MTMR8: variants seen among roughly 807,000 people sequenced by gnomAD.
MTMR8 encodes myotubularin related protein 8.
A neutral mutation model predicts 39.3 loss-of-function variants in MTMR8; 65 were observed. The observed-to-expected ratio is 1.65, with a 90% CI of 1.35 to 2.03. The LOEUF (loss-of-function observed/expected upper bound fraction) is 2.03. MTMR8 is among the 30% of genes most tolerant of loss of function. The pLI is 0.00. For missense variants in MTMR8, 777 were observed against 538.9 expected, an observed-to-expected ratio of 1.44 and a Z score of -4.37; for synonymous variants, 245 against 185.2, an observed-to-expected ratio of 1.32 and a Z score of -2.62.
At position 64,268,752 on chromosome X, in the gene MTMR8, T is replaced by C. The variant is rs752590370; in HGVS notation, c.1900A>G (p.Met634Val). The change falls in exon 14 of 14, where the codon ATG (methionine) becomes GTG (valine). Residue 634 changes from methionine to valine, a missense_variant. Transcript: ENST00000374852. ...GTGCACATGTCTCCAGAGATGCCCA[T>C]GGCCTCAGAGATGCCCACATCCCCA... Reference protein sequence around the residue: ...ISGDVGISEAMGISGDMCTFE... With the variant: ...ISGDVGISEAVGISGDMCTFE... 8.3e-7 allele frequency: 1 copy of C among 1,209,877 alleles called. No homozygotes were observed. Among genetic ancestry groups the C allele is most frequent in the African/African-American group, 1.8e-5 (1 of 57,069 alleles).
intron 1 of MTMR8, among the ~76,000 whole-genome samples, chrX:64,375,548 C>A (rs1393217927): frequency 4.5e-5 from 5 of 111,052 alleles, no homozygotes; most frequent in African/African-American, 1.6e-4. Flanking sequence ...TAACCCCTGC[C>A]AATGCAATAG....
intron 1 of MTMR8, among the ~76,000 whole-genome samples, chrX:64,377,891 T>A (rs1411476403): frequency 8.9e-6 from 1 of 112,045 alleles, no homozygotes; most frequent in Non-Finnish European, 1.9e-5. Context: ...GGTAATTGGA[T>A]CATGGGGCAG....
intron 1 of MTMR8, among the ~76,000 whole-genome samples, chrX:64,379,572 C>T (rs1924356600): frequency 9.0e-6 from 1 of 111,478 alleles, no homozygotes; most frequent in Middle Eastern, 4.2e-3. Flanking sequence ...GGCTTATAGA[C>T]ATCTTCTCCC....
chrX:64,319,960 T>G (rs1922588009), intron 12 of MTMR8, among the ~76,000 whole-genome samples: 1 of 111,624 alleles, frequency 9.0e-6, no homozygotes, highest in Non-Finnish European at 1.9e-5. Flanking sequence ...GGTAGCTTGA[T>G]GGGGATGGCA....
chrX:64,354,579 T>C (rs1415979249), intron 4 of MTMR8, among the ~76,000 whole-genome samples, 198 bp downstream of exon 4: 3 of 112,146 alleles, frequency 2.7e-5, no homozygotes, highest in Non-Finnish European at 5.6e-5. Context: ...TAACACCCTA[T>C]GCTTTAGGCC....
intron 12 of MTMR8, among the ~76,000 whole-genome samples, chrX:64,326,369 T>C (rs142162989): frequency 9.6e-4 from 107 of 111,892 alleles, no homozygotes; most frequent in African/African-American, 3.3e-3. Flanking sequence ...AGTTGCAAGA[T>C]ACAAAAATCA....
intron 2 of MTMR8, among the ~76,000 whole-genome samples, chrX:64,357,661 C>T (rs1923661369): frequency 9.0e-6 from 1 of 111,524 alleles, no homozygotes; most frequent in Non-Finnish European, 1.9e-5. Flanking sequence ...CTCCTGGCTT[C>T]AAGCGATCCT....
chrX:64,366,709 G>A (rs1923971320), intron 1 of MTMR8, among the ~76,000 whole-genome samples: 1 of 111,361 alleles, frequency 9.0e-6, no homozygotes, highest in East Asian at 2.8e-4. Context: ...AGAGAAGCAA[G>A]AGCAAACACA....
chrX:64,338,943 A>G (rs1923146298), intron 8 of MTMR8, among the ~76,000 whole-genome samples: 4 of 111,721 alleles, frequency 3.6e-5, no homozygotes, highest in African/African-American at 1.3e-4. Flanking sequence ...TAGACTAAAT[A>G]ATGAACACAA....
chrX:64,353,539 T>A (rs1251457770), intron 4 of MTMR8, among the ~76,000 whole-genome samples: 1 of 111,796 alleles, frequency 8.9e-6, no homozygotes, highest in Non-Finnish European at 1.9e-5. Context: ...AAAACCACAA[T>A]GAGATATCAT....
chrX:64,290,364 T>C (rs1921353206), intron 12 of MTMR8, among the ~76,000 whole-genome samples: 2 of 111,026 alleles, frequency 1.8e-5, no homozygotes, highest in Admixed American at 9.6e-5. Flanking sequence ...ACATGCTGTT[T>C]AGTTTTTTAT....
chrX:64,336,667 C>A (rs1206991508), intron 9 of MTMR8, among the ~76,000 whole-genome samples: 1 of 110,494 alleles, frequency 9.1e-6, no homozygotes. Flanking sequence ...CATGGTGGTG[C>A]ACATCTGTAA....
chrX:64,322,636 G>C lies in MTMR8; in HGVS notation c.1481+6136C>G, dbSNP rs745424314. The stretch of plus-strand genomic sequence containing the variant: ...AGCTGCAGCTATACAGTGCCATCTT[G>C]AAAACAGAGCCACAGCTAGCATGTA... On this transcript the variant is annotated intron_variant, in intron 12 of 13. Transcript: ENST00000374852. Among the ~76,000 whole-genome samples the C allele has an allele frequency of 1.4e-3, 159 of 112,073 alleles. 1 individual carries two copies. The highest frequency in any genetic ancestry group is 5.0e-3 in the African/African-American group (154 of 30,882).
intron 12 of MTMR8, among the ~76,000 whole-genome samples, chrX:64,312,330 G>A (rs764267058): frequency 4.5e-5 from 5 of 111,368 alleles, no homozygotes; most frequent in African/African-American, 1.6e-4. Context: ...ATAGGAATCC[G>A]TGTGATTTCT....
chrX:64,389,625 C>A (rs370516163), intron 1 of MTMR8, among the ~76,000 whole-genome samples: 2 of 111,511 alleles, frequency 1.8e-5, no homozygotes, highest in African/African-American at 3.3e-5. Context: ...GTACCAAGAG[C>A]CTTTCTGGAT....
chrX:64,358,843 GCACACACACACA>G (rs762422321), intron 2 of MTMR8, among the ~76,000 whole-genome samples: 45 of 91,169 alleles, frequency 4.9e-4, no homozygotes, highest in Admixed American at 6.0e-4. Context: ...GCCCGTGCAT[GCACACACACACA>G]CACACACACA....
At chrX:64,329,798 G>A (rs1456757540) in intron 11 of MTMR8, among the ~76,000 whole-genome samples, 1 of 110,625 alleles carries the variant, frequency 9.0e-6, no homozygotes, top group Non-Finnish European at 1.9e-5. Context: ...CTCATTTGCT[G>A]TTGGTTTATA....
chrX:64,299,348 T>C (rs1295766708), intron 12 of MTMR8, among the ~76,000 whole-genome samples: 5 of 98,236 alleles, frequency 5.1e-5, no homozygotes, highest in African/African-American at 1.9e-4. Flanking sequence ...TTCTTCTAGA[T>C]TTTCTAGTTT....
chrX:64,308,208 A>G (rs7051312), intron 12 of MTMR8, among the ~76,000 whole-genome samples: 26,283 of 110,335 alleles, frequency 0.24, 7,557 homozygotes, highest in African/African-American at 0.82. Context: ...CTTTTGACGA[A>G]GCATAATACT....
Sources: gnomAD v4.1 joint callset for allele counts (sites outside exome capture counted in the v4.1 genomes callset) on GRCh38, gnomAD v4.1.1 for gene constraint, MANE v1.5 for transcripts, NCBI Gene and HGNC (gene_info 2026-07-23, HGNC 2026-07-21) for gene names.